The following AMPD2 variants were observed in gnomAD, a reference collection of about 807,000 sequenced individuals.
AMPD2 encodes the protein AMP deaminase 2.
In AMPD2, 52 loss-of-function variants were observed where a neutral mutation model predicts 91.3. That is an observed-to-expected ratio of 0.57 (90% confidence interval 0.46 to 0.72). The LOEUF is 0.72. AMPD2 is among the 30% of genes least tolerant of loss of function. The probability of loss-of-function intolerance (pLI) is 0.00; values close to 1 mark genes in which losing one functional copy is unlikely to be tolerated. For synonymous variants in AMPD2, 455 were observed against 456.4 expected (o/e 1.00, Z 0.04); for missense variants, 822 against 1,122.3 (o/e 0.73, Z 3.82).
Position 109,625,881 on chromosome 1 carries a change from G to T in AMPD2, c.353+89G>T. 1 of 1,554,656 alleles carries T rather than the reference G, an allele frequency of 6.4e-7. No homozygotes were observed. Among genetic ancestry groups the T allele is most frequent in the Admixed American group, 1.8e-5 (1 of 55,076 alleles). On this transcript the variant is annotated intron_variant, in intron 4 of 18. Coordinates refer to ENST00000528667, the MANE Select transcript of AMPD2 (RefSeq NM_001368809.2). This position sits in a 1 kb window ranked among gnomAD's most constrained non-coding sequence, Gnocchi z 4.0. ...TTTCTGCCTCTTTCCCTCGCACCCT[G>T]CCTTGGGGGGTCTGCACAGGGAGCA...
Position 109,625,474 on chromosome 1 carries a change from A to G in AMPD2, c.222+41A>G, listed in dbSNP as rs1444931109. Reference sequence around the variant, plus strand: ...ACCCGCACCCTCACCCCGTGTCTCCATGCCCTGCCTCTGCTCCCCACACCC... The same window carrying G: ...ACCCGCACCCTCACCCCGTGTCTCCGTGCCCTGCCTCTGCTCCCCACACCC... On this transcript the variant is annotated intron_variant, in intron 3 of 18. Transcript: ENST00000528667. The surrounding 1 kb of genome is among the most constrained non-coding windows in gnomAD (Gnocchi z 4.0). 1 of 1,612,712 alleles carries G rather than the reference A, an allele frequency of 6.2e-7. No individual in the cohort carries two copies. The highest frequency in any genetic ancestry group is 8.5e-7 in the Non-Finnish European group (1 of 1,179,322).
At chr1:109,621,823 T>C (rs1034322058) in intron 2 of AMPD2, among the ~76,000 whole-genome samples, 3 of 152,236 alleles carry the variant, frequency 2.0e-5, no homozygotes, top group South Asian at 4.1e-4. Context: ...CTGGTCTATA[T>C]TGTGAGCCTC....
chr1:109,627,242 T>C lies in AMPD2; in HGVS notation c.786T>C (p.Pro262=), dbSNP rs1476872545. 3.7e-6 allele frequency: 6 copies of C among 1,612,296 alleles called. No homozygotes were observed. The highest frequency in any genetic ancestry group is 4.2e-6 in the Non-Finnish European group (5 of 1,179,170). The stretch of plus-strand genomic sequence containing the variant: ...AGCACTGTGAGCCAAGCACCATGCC[T>C]GGGGACCTGGGCTTGGGTCTGCGCA... ...PYEHCEPSTM[P]GDLGLGLRMV... Residue 262 remains proline (P), a synonymous_variant, in exon 8 of 19, where the codon CCT becomes CCC. Transcript: ENST00000528667.
chr1:109,630,514 C>G, intron 17 of AMPD2, 108 bp downstream of exon 17: 1 of 1,324,712 alleles, frequency 7.5e-7, no homozygotes, highest in Non-Finnish European at 1.0e-6. Flanking sequence ...GGTGCTGCCC[C>G]CTGCTGGTAG....
At position 109,631,874 on chromosome 1, in the gene AMPD2, T is replaced by G. The variant is rs372192626; in HGVS notation, c.*722T>G. Reference sequence around the variant, plus strand: ...TGGGGCCACAGTTGCTGCAAAGTCCTGGATCTGCCACTCAACCCCGGGAGT... The same window carrying G: ...TGGGGCCACAGTTGCTGCAAAGTCCGGGATCTGCCACTCAACCCCGGGAGT... On this transcript the variant is annotated 3_prime_UTR_variant, in exon 19 of 19. Coordinates refer to ENST00000528667, the MANE Select transcript of AMPD2 (RefSeq NM_001368809.2). 1 of 154,240 alleles carries G rather than the reference T, an allele frequency of 6.5e-6. No homozygotes were observed. The highest frequency in any genetic ancestry group is 1.9e-4 in the East Asian group (1 of 5,180). The allele number at this position is 154,240 out of a possible 1,614,324, so 9.6% of individuals were successfully genotyped here. A position where few individuals can be genotyped will look rare whatever the true frequency, so the allele number is the denominator to read the frequency against.
intron 17 of AMPD2, 22 bp downstream of exon 17, chr1:109,630,428 A>G (rs1651117008): frequency 8.2e-7 from 1 of 1,222,908 alleles, no homozygotes. Flanking sequence ...GCAGGCAGCC[A>G]GGCGGGCGGG....
intron 1 of AMPD2, 115 bp from the exon 2 acceptor site, chr1:109,620,799 T>C (rs1250145377): frequency 3.0e-6 from 4 of 1,325,394 alleles, no homozygotes; most frequent in African/African-American, 1.5e-5. Context: ...CTTTGGCTTC[T>C]TTGCCCGGGA....
Position 109,620,117 on chromosome 1 carries a change from C to A in AMPD2, c.-424C>A. On this transcript the variant is annotated 5_prime_UTR_variant, in exon 1 of 19. It adds an upstream start codon to the 5' untranslated region. Coordinates refer to ENST00000528667, the MANE Select transcript of AMPD2 (RefSeq NM_001368809.2). ...CCGGCCAGCTGGCAATTTTGAAAGA[C>A]TGCCTTACTTTCCCCATCTCAGTGC... The A allele has an allele frequency of 9.0e-7, 1 of 1,110,106 alleles. No individual in the cohort carries two copies. Among genetic ancestry groups the A allele is most frequent in the Non-Finnish European group, 1.3e-6 (1 of 744,968 alleles). 68.8% of individuals were successfully genotyped at this position (1,110,106 alleles called of 1,614,324 possible).
At chr1:109,630,452 T>G (rs1651120619) in intron 17 of AMPD2, 46 bp downstream of exon 17, 12 of 423,012 alleles carry the variant, frequency 2.8e-5, no homozygotes, top group Non-Finnish European at 3.9e-5. Flanking sequence ...CCCAGGACGC[T>G]GGGGTCTCCC....
Position 109,619,909 on chromosome 1 carries a change from G to T in AMPD2, c.-632G>T. ...TCACCTGTTGCGTGACTCCCCCACA[G>T]TCCGGCCGCGGGAGTCCGACCCTGA... On this transcript the variant is annotated 5_prime_UTR_variant, in exon 1 of 19. Coordinates refer to ENST00000528667, the MANE Select transcript of AMPD2 (RefSeq NM_001368809.2). 1 of 344,178 alleles carries T rather than the reference G, an allele frequency of 2.9e-6. No homozygotes were observed. The highest frequency in any genetic ancestry group is 5.6e-6 in the Non-Finnish European group (1 of 179,078). The allele number at this position is 344,178 out of a possible 1,614,324, so 21.3% of individuals were successfully genotyped here. A position where few individuals can be genotyped will look rare whatever the true frequency, so the allele number is the denominator to read the frequency against.
At chr1:109,621,414 G>A (rs1405664976) in intron 2 of AMPD2, 148 bp downstream of exon 2, 3 of 566,634 alleles carry the variant, frequency 5.3e-6, no homozygotes, top group African/African-American at 4.0e-5. Context: ...GGGACAGCCG[G>A]CTTGGAAGGT....
intron 14 of AMPD2, 34 bp downstream of exon 14, chr1:109,629,269 G>T (rs1417747303): frequency 1.2e-6 from 2 of 1,613,942 alleles, no homozygotes; most frequent in South Asian, 1.1e-5. Flanking sequence ...GTATGGGGAG[G>T]GCAGCCGGCT....
Position 109,631,543 on chromosome 1 carries a change from G to A in AMPD2, c.*391G>A, listed in dbSNP as rs553385336. On this transcript the variant is annotated 3_prime_UTR_variant, in exon 19 of 19. Transcript: ENST00000528667. Reference sequence around the variant, plus strand: ...AGCCTTGGCCAGGGCCGAAGTTTAGGCCCCTGTCTTGTTCATGTAGCCGAG... The same window carrying A: ...AGCCTTGGCCAGGGCCGAAGTTTAGACCCCTGTCTTGTTCATGTAGCCGAG... 132 of 313,222 alleles carry A rather than the reference G, an allele frequency of 4.2e-4. No individual in the cohort carries two copies. The highest frequency in any genetic ancestry group is 2.8e-3 in the African/African-American group (128 of 46,498). 19.4% of individuals were successfully genotyped at this position (313,222 alleles called of 1,614,324 possible). A position where few individuals can be genotyped will look rare whatever the true frequency, so the allele number is the denominator to read the frequency against.
At chr1:109,620,627 G>A (rs1650160048) in intron 1 of AMPD2, 3 of 1,208,708 alleles carry the variant, frequency 2.5e-6, no homozygotes, top group Admixed American at 4.1e-5. Context: ...TACCCCGGGA[G>A]CTGAGGGTCA....
In AMPD2 at chr1:109,625,421, G is replaced by A; in HGVS notation, c.210G>A (p.Lys70=). The A allele has an allele frequency of 6.2e-7, 1 of 1,613,982 alleles. No individual in the cohort carries two copies. Among genetic ancestry groups the A allele is most frequent in the Non-Finnish European group, 8.5e-7 (1 of 1,179,992 alleles). Residue 70 remains lysine (K), a synonymous_variant, in exon 3 of 19, where the codon AAG becomes AAA. Coordinates refer to ENST00000528667, the MANE Select transcript of AMPD2 (RefSeq NM_001368809.2). This position sits in a 1 kb window ranked among gnomAD's most constrained non-coding sequence, Gnocchi z 4.0. ...GCACGTCTATGGATGGCAAATGCAAGGAGATCGCCGAGGTATCACCTGGCA... is the reference window on the plus strand; with the variant it reads ...GCACGTCTATGGATGGCAAATGCAAAGAGATCGCCGAGGTATCACCTGGCA... ...DLRTSMDGKC[K]EIAEELFTRS...
intron 1 of AMPD2, 88 bp from the exon 2 acceptor site, chr1:109,620,826 G>T (rs1424448018): frequency 1.4e-6 from 2 of 1,388,218 alleles, no homozygotes; most frequent in East Asian, 2.7e-5. Context: ...GCATGATGGG[G>T]TGAGGGCTCT....
Position 109,627,999 on chromosome 1 carries a change from C to T in AMPD2, c.1081-84C>T, listed in dbSNP as rs903888513. 6.3e-6 allele frequency: 10 copies of T among 1,599,292 alleles called. No individual in the cohort carries two copies. In the Admixed American group the frequency reaches 1.3e-4, roughly 22 times the overall value. ...CAGGCCCCCCACACAGCATCCAGTA[C>T]AGAGGGTCCTTTCCCATTGCACTGC... is the stretch of plus-strand genomic sequence containing the variant. On this transcript the variant is annotated intron_variant, in intron 10 of 18. Coordinates refer to ENST00000528667, the MANE Select transcript of AMPD2 (RefSeq NM_001368809.2).
Position 109,627,834 on chromosome 1 carries a change from A to ATGCAAG in AMPD2, c.1011_1012insTGCAAG (p.Leu337_Leu338insCysLys). On this transcript the variant is annotated inframe_insertion, in exon 10 of 19. Coordinates refer to ENST00000528667, the MANE Select transcript of AMPD2 (RefSeq NM_001368809.2). ...GCTCCAAGTTCCAGATGCATGTGCTACTCAATGAGATGAAGGAGCTGGCCG... is the reference window on the plus strand; with the variant it reads ...GCTCCAAGTTCCAGATGCATGTGCTATGCAAGCTCAATGAGATGAAGGAGCTGGCCG... 6.2e-7 allele frequency: 1 copy of ATGCAAG among 1,613,912 alleles called. No homozygotes were observed. Among genetic ancestry groups the ATGCAAG allele is most frequent in the Non-Finnish European group, 8.5e-7 (1 of 1,179,968 alleles).
In AMPD2 at chr1:109,628,601, C is replaced by T; in HGVS notation, c.1408-42C>T. ...CAGATGACCCCCTGAAGAGCTCTGA[C>T]TCAGCTCACCTCATGTCTGACTCAG... On this transcript the variant is annotated intron_variant, in intron 12 of 18. Transcript: ENST00000528667. The surrounding 1 kb of genome is among the most constrained non-coding windows in gnomAD (Gnocchi z 7.1). 1 of 1,610,164 alleles carries T rather than the reference C, an allele frequency of 6.2e-7. No individual in the cohort carries two copies. The highest frequency in any genetic ancestry group is 8.5e-7 in the Non-Finnish European group (1 of 1,177,502).
Sources: gnomAD v4.1 joint callset for allele counts (sites outside exome capture counted in the v4.1 genomes callset) on GRCh38, gnomAD v4.1.1 for gene constraint, Gnocchi (gnomAD v3.1) non-coding constraint, MANE v1.5 for transcripts, NCBI Gene and HGNC (gene_info 2026-07-23, HGNC 2026-07-21) for gene names.